The following CERS1 variants were observed in gnomAD, a reference collection of about 807,000 sequenced individuals.
CERS1 encodes ceramide synthase 1.
In CERS1, 16 loss-of-function variants were observed where a neutral mutation model predicts 35.7. The ratio of observed to expected loss-of-function variants is 0.45; its 90% CI spans 0.30 to 0.68. CERS1 has a LOEUF of 0.68. Ranked by LOEUF, CERS1 falls within the 30% of genes least tolerant of loss-of-function variation. The pLI is 0.08. For missense variants in CERS1, 454 were observed against 453.9 expected, an observed-to-expected ratio of 1.00 and a Z score of 0.00; for synonymous variants, 243 against 201.6, an observed-to-expected ratio of 1.21 and a Z score of -1.74.
intron 2 of CERS1, among the ~76,000 whole-genome samples, chr19:18,888,519 TAAAAAAAA>T (rs781426705): frequency 3.4e-5 from 2 of 59,050 alleles, no homozygotes; most frequent in African/African-American, 1.5e-4. Context: ...CCCTGTCTCT[TAAAAAAAA>T]AAAAAAAAAA....
intron 2 of CERS1, among the ~76,000 whole-genome samples, chr19:18,888,791 T>C (rs1568304870): frequency 1.3e-5 from 2 of 150,844 alleles, no homozygotes; most frequent in Non-Finnish European, 1.5e-5. Context: ...GATCGTGGCA[T>C]TGTACTCCAG....
rs752344406 is a variant in CERS1 at position 18,869,993 on chromosome 19, G to A, written c.*584C>T. ...GAAAGCCCCACTCACCGCGGTCCGG[G>A]ATGTGGCGCACGATGTTTCCGGCGA... On this transcript the variant is annotated 3_prime_UTR_variant, in exon 7 of 8. Coordinates refer to ENST00000623882, the MANE Select transcript of CERS1 (RefSeq NM_021267.5). 2 of 1,593,432 alleles carry A rather than the reference G, an allele frequency of 1.3e-6. No homozygotes were observed. The highest frequency in any genetic ancestry group is 8.5e-7 in the Non-Finnish European group (1 of 1,171,570).
intron 2 of CERS1, among the ~76,000 whole-genome samples, 183 bp from the exon 3 acceptor site, chr19:18,884,450 C>G (rs571813722): frequency 1.1e-3 from 173 of 151,784 alleles, no homozygotes; most frequent in Admixed American, 1.5e-3. Context: ...ACGGAGTCTC[C>G]CTCTGTCGCC....
chr19:18,884,334 G>C (rs1217706776), intron 2 of CERS1, 67 bp from the exon 3 acceptor site: 3 of 1,475,900 alleles, frequency 2.0e-6, no homozygotes, highest in Non-Finnish European at 2.7e-6. Flanking sequence ...CCATGACCCG[G>C]TGACACCCTC....
intron 6 of CERS1, chr19:18,877,858 G>A (rs1476974440): frequency 5.3e-6 from 3 of 568,214 alleles, no homozygotes; most frequent in African/African-American, 2.1e-5. Flanking sequence ...CAGAACCCAT[G>A]TGACCCTCTG....
chr19:18,893,186 T>C (rs561799793), intron 2 of CERS1, among the ~76,000 whole-genome samples: 1 of 152,092 alleles, frequency 6.6e-6, no homozygotes, highest in South Asian at 2.1e-4. Context: ...GTGCTGGGAT[T>C]ACAGGCGTGA....
chr19:18,896,295 G>A (rs2056626088), upstream of CERS1, among the ~76,000 whole-genome samples: 1 of 149,518 alleles, frequency 6.7e-6, no homozygotes, highest in South Asian at 2.1e-4. This position sits in a 1 kb window ranked among gnomAD's most constrained non-coding sequence, Gnocchi z 5.9. Flanking sequence ...GCCCCTGCCC[G>A]TTTCCCAGCA....
In CERS1 at chr19:18,895,365, C is replaced by T. The variant is rs2146082065; in HGVS notation, c.249+459G>A. 6.6e-6 allele frequency among the ~76,000 whole-genome samples: 1 copy of T among 152,310 alleles called. No homozygotes were observed. Among genetic ancestry groups the T allele is most frequent in the African/African-American group, 2.4e-5 (1 of 41,582 alleles). ...GCAGGGAGGCGCATGGCGCAGGCCG[C>T]GGTGCGCCGAGCCCTCCCGTTCCCG... On this transcript the variant is annotated intron_variant, in intron 1 of 7. Coordinates refer to ENST00000623882, the MANE Select transcript of CERS1 (RefSeq NM_021267.5). This position sits in a 1 kb window ranked among gnomAD's most constrained non-coding sequence, Gnocchi z 6.4.
chr19:18,873,756 G>A (rs1049846964), intron 6 of CERS1, among the ~76,000 whole-genome samples: 1 of 151,418 alleles, frequency 6.6e-6, no homozygotes, highest in Admixed American at 6.6e-5. Flanking sequence ...CAGGAGAATC[G>A]CTTGAACCTG....
At chr19:18,893,885 C>T (rs1214318196) in intron 1 of CERS1, among the ~76,000 whole-genome samples, 1 of 149,240 alleles carries the variant, frequency 6.7e-6, no homozygotes, top group African/African-American at 2.5e-5. Flanking sequence ...CGGATGGATG[C>T]GTCAGCCCAA....
Position 18,884,288 on chromosome 19 carries a change from C to G in CERS1, c.410-21G>C, listed in dbSNP as rs774482354. 2.5e-6 allele frequency: 4 copies of G among 1,599,990 alleles called. No homozygotes were observed. In the South Asian group the frequency reaches 4.5e-5, roughly 18 times the overall value. On this transcript the variant is annotated intron_variant, in intron 2 of 7. Coordinates refer to ENST00000623882, the MANE Select transcript of CERS1 (RefSeq NM_021267.5). ...CCAGTCTGGGGAGAGCCAAATCTCA[C>G]AGTCAGGGCCCTGCGAAGCCTCTAG...
At chr19:18,896,928 G>T (rs1015807134), upstream of CERS1, among the ~76,000 whole-genome samples, 4 of 151,996 alleles carry the variant, frequency 2.6e-5, no homozygotes, top group African/African-American at 9.7e-5. The surrounding 1 kb of genome is among the most constrained non-coding windows in gnomAD (Gnocchi z 5.9). Flanking sequence ...GGAACCCGGG[G>T]GGGGGGCTCC....
intron 2 of CERS1, 50 bp from the exon 3 acceptor site, chr19:18,884,317 A>G (rs1405384273): frequency 6.5e-6 from 10 of 1,533,732 alleles, no homozygotes; most frequent in Non-Finnish European, 7.9e-6. Context: ...CCTCTAGACG[A>G]TCGCCTCCAT....
rs2056108598 is a variant in CERS1, at chr19:18,878,554, T to C, written c.1010+376A>G. ...CCTCCCCAGCCCCACTGCCACCAGC[T>C]CCAGTGGCGACATGGGTCAGAGGTC... On this transcript the variant is annotated intron_variant, in intron 6 of 7. Transcript: ENST00000623882. The surrounding 1 kb of genome is among the most constrained non-coding windows in gnomAD (Gnocchi z 4.6). 16 of 1,032,284 alleles carry C rather than the reference T, an allele frequency of 1.5e-5. No homozygotes were observed. The highest frequency in any genetic ancestry group is 1.7e-5 in the African/African-American group (1 of 58,418). 63.9% of individuals were successfully genotyped at this position (1,032,284 alleles called of 1,614,324 possible).
rs1400318570 is a variant in CERS1 at position 18,895,753 on chromosome 19, C to T, written c.249+71G>A. On this transcript the variant is annotated intron_variant, in intron 1 of 7. Transcript: ENST00000623882. This position sits in a 1 kb window ranked among gnomAD's most constrained non-coding sequence, Gnocchi z 6.4. Reference sequence around the variant, plus strand: ...GCGCTGGAAGAAAGGAACGCGCCGGCGGCCCCAGGTCCCCGGTCCCGGCTT... The same window carrying T: ...GCGCTGGAAGAAAGGAACGCGCCGGTGGCCCCAGGTCCCCGGTCCCGGCTT... 3 of 847,956 alleles carry T rather than the reference C, an allele frequency of 3.5e-6. No homozygotes were observed. Among genetic ancestry groups the T allele is most frequent in the African/African-American group, 1.9e-5 (1 of 53,366 alleles). The allele number at this position is 847,956 out of a possible 1,614,324, so 52.5% of individuals were successfully genotyped here. A position where few individuals can be genotyped will look rare whatever the true frequency, so the allele number is the denominator to read the frequency against.
chr19:18,896,642 C>G (rs2056631143), upstream of CERS1: 1 of 152,360 alleles, frequency 6.6e-6, no homozygotes, highest in Non-Finnish European at 1.5e-5. The surrounding 1 kb of genome is among the most constrained non-coding windows in gnomAD (Gnocchi z 5.9). Flanking sequence ...CCGTGGCCCT[C>G]CCGCATTCAG....
chr19:18,892,483 GGGC>G (rs2056514973), intron 2 of CERS1, among the ~76,000 whole-genome samples: 1 of 151,886 alleles, frequency 6.6e-6, no homozygotes, highest in Non-Finnish European at 1.5e-5. Flanking sequence ...GCGTGGTGGC[GGGC>G]GCCTGTGGTC....
Position 18,879,485 on chromosome 19 carries a change from T to G in CERS1, c.753-97A>C, listed in dbSNP as rs1010615176. On this transcript the variant is annotated intron_variant, in intron 4 of 7. Transcript: ENST00000623882. ...TCCTAGACCCACCCTTGCCCCCTTATCCCATCCTTGCCCACCTCTGCCCAC... is the reference window on the plus strand; with the variant it reads ...TCCTAGACCCACCCTTGCCCCCTTAGCCCATCCTTGCCCACCTCTGCCCAC... The G allele has an allele frequency of 2.1e-6, 3 of 1,418,490 alleles. No homozygotes were observed. The Admixed American group carries it at 6.6e-5, about 31-fold the overall frequency. The allele number at this position is 1,418,490 out of a possible 1,614,324, so 87.9% of individuals were successfully genotyped here.
At position 18,895,538 on chromosome 19, in the gene CERS1, G is replaced by C. The variant is rs542942608; in HGVS notation, c.249+286C>G. ...ACGTCTCAAACATCCCACCTGTCTC[G>C]GGCCCCCCATGTCCCAGACTCACCC... On this transcript the variant is annotated intron_variant, in intron 1 of 7. Coordinates refer to ENST00000623882, the MANE Select transcript of CERS1 (RefSeq NM_021267.5). The surrounding 1 kb of genome is among the most constrained non-coding windows in gnomAD (Gnocchi z 6.4). Among the ~76,000 whole-genome samples, 2 of 151,568 alleles carry C rather than the reference G, an allele frequency of 1.3e-5. No individual in the cohort carries two copies. The highest frequency in any genetic ancestry group is 4.8e-5 in the African/African-American group (2 of 41,278).
Sources: gnomAD v4.1 joint callset for allele counts (sites outside exome capture counted in the v4.1 genomes callset) on GRCh38, gnomAD v4.1.1 for gene constraint, Gnocchi (gnomAD v3.1) non-coding constraint, MANE v1.5 for transcripts, NCBI Gene and HGNC (gene_info 2026-07-23, HGNC 2026-07-21) for gene names.